The following PIAS1 variants were observed in gnomAD, a reference collection of about 807,000 sequenced individuals.
PIAS1 encodes the protein E3 SUMO-protein ligase PIAS1.
Under a neutral mutation model 71.3 loss-of-function variants are expected in PIAS1, and 6 were observed. The ratio of observed to expected loss-of-function variants is 0.08; its 90% CI spans 0.05 to 0.17. The LOEUF (loss-of-function observed/expected upper bound fraction) is 0.17, where lower values mean the gene tolerates loss of function less well. PIAS1 is among the 10% of genes least tolerant of loss of function. The pLI, the probability that PIAS1 is intolerant of heterozygous loss-of-function variation, is 1.00. For synonymous variants in PIAS1, 303 were observed against 292.9 expected, an observed-to-expected ratio of 1.03 and a Z score of -0.35; for missense variants, 555 against 793.6, an observed-to-expected ratio of 0.70 and a Z score of 3.61.
chr15:68,088,176 G>GTATATATGTATATA (rs1555424827), intron 2 of PIAS1, among the ~76,000 whole-genome samples: 1 of 73,008 alleles, frequency 1.4e-5, no homozygotes, highest in African/African-American at 6.2e-5. Context: ...TTATGTGTGT[G>GTATATATGTATATA]TATATATATA....
chr15:68,154,392 CG>C (rs1219454821), intron 7 of PIAS1, among the ~76,000 whole-genome samples: 1 of 151,974 alleles, frequency 6.6e-6, no homozygotes, highest in Admixed American at 6.6e-5. Context: ...TTGTGAGAGC[CG>C]GGGGCTGCGT....
chr15:68,168,089 A>G (rs1236126939), intron 8 of PIAS1, among the ~76,000 whole-genome samples: 1 of 151,572 alleles, frequency 6.6e-6, no homozygotes, highest in Non-Finnish European at 1.5e-5. Context: ...GCTCACTGCA[A>G]CCTCCACTTC....
chr15:68,153,744 T>C (rs1349035117), intron 7 of PIAS1, 49 bp downstream of exon 7: 5 of 961,724 alleles, frequency 5.2e-6, no homozygotes, highest in African/African-American at 1.6e-5. Flanking sequence ...TGTTAAAGGT[T>C]AGAGTAGTAT....
In PIAS1 at chr15:68,121,277, T is replaced by C. The variant is rs1408549952; in HGVS notation, c.470-20669T>C. ...CATGTTTTTTTGTTTTTTTTTTTTC[T>C]TTTGGCACTTCAAAAATTTTACTCC... On this transcript the variant is annotated intron_variant, in intron 2 of 13. Transcript: ENST00000249636. Among the ~76,000 whole-genome samples the C allele has an allele frequency of 2.7e-5, 4 of 146,212 alleles. No homozygotes were observed. In the Admixed American group the frequency reaches 2.8e-4, roughly 10 times the overall value.
At chr15:68,105,688 A>G (rs530747200) in intron 2 of PIAS1, among the ~76,000 whole-genome samples, 1 of 152,292 alleles carries the variant, frequency 6.6e-6, no homozygotes, top group African/African-American at 2.4e-5. Context: ...AAATGAAATT[A>G]TAGCTGGGCA....
intron 1 of PIAS1, among the ~76,000 whole-genome samples, chr15:68,071,290 A>G (rs1183129808): frequency 1.1e-4 from 12 of 112,216 alleles, no homozygotes; most frequent in Admixed American, 4.6e-4. Flanking sequence ...TTTTTTTGAC[A>G]GAGTCTCACT....
intron 7 of PIAS1, among the ~76,000 whole-genome samples, chr15:68,157,106 T>G (rs1336639771): frequency 6.6e-6 from 1 of 152,186 alleles, no homozygotes; most frequent in East Asian, 1.9e-4. Flanking sequence ...CTAGGTAACA[T>G]GGTAATGCCA....
At chr15:68,132,351 T>G (rs1203003191) in intron 2 of PIAS1, among the ~76,000 whole-genome samples, 2 of 152,052 alleles carry the variant, frequency 1.3e-5, no homozygotes, top group African/African-American at 4.8e-5. Context: ...GGCCCTCACC[T>G]GTAGTCTCAG....
At position 68,054,364 on chromosome 15, in the gene PIAS1, C is replaced by T; in HGVS notation, c.24+14C>T. The T allele has an allele frequency of 1.3e-6, 2 of 1,570,324 alleles. No individual in the cohort carries two copies. The highest frequency in any genetic ancestry group is 1.7e-6 in the Non-Finnish European group (2 of 1,158,266). On this transcript the variant is annotated intron_variant, in intron 1 of 13. Transcript: ENST00000249636. The surrounding 1 kb of genome is among the most constrained non-coding windows in gnomAD (Gnocchi z 4.6). Reference sequence around the variant, plus strand: ...GCGGAACTAAAGGTAAAGCGCAGCTCGAATTCACTTCTAATATTCGGCCGC... The same window carrying T: ...GCGGAACTAAAGGTAAAGCGCAGCTTGAATTCACTTCTAATATTCGGCCGC...
chr15:68,112,788 A>C (rs1343892519), intron 2 of PIAS1, among the ~76,000 whole-genome samples: 1 of 152,164 alleles, frequency 6.6e-6, no homozygotes, highest in East Asian at 1.9e-4. Flanking sequence ...CAATTTGACA[A>C]TTTTTACAAG....
At chr15:68,065,664 A>G (rs1433305699) in intron 1 of PIAS1, among the ~76,000 whole-genome samples, 4 of 151,422 alleles carry the variant, frequency 2.6e-5, no homozygotes, top group African/African-American at 9.7e-5. Flanking sequence ...TTATTTAATT[A>G]AATCCTGCAT....
chr15:68,112,814 T>A (rs2092533434), intron 2 of PIAS1, among the ~76,000 whole-genome samples: 1 of 150,654 alleles, frequency 6.6e-6, no homozygotes, highest in East Asian at 2.0e-4. Context: ...TAAAATTGTG[T>A]TCGTCTTTTG....
At chr15:68,154,500 T>C (rs1238719091) in intron 7 of PIAS1, among the ~76,000 whole-genome samples, 6 of 152,196 alleles carry the variant, frequency 3.9e-5, no homozygotes, top group Admixed American at 3.9e-4. Context: ...AACTGATTAA[T>C]GAAGCCCATT....
chr15:68,141,953 C>A lies in PIAS1; in HGVS notation c.477C>A (p.Asp159Glu). Residue 159 changes from aspartate to glutamate, a missense_variant, in exon 3 of 14, where the codon GAC becomes GAA. By Grantham distance (45) the Asp-to-Glu change is conservative. Around this residue, in one of 5 missense-constraint regions of PIAS1, gnomAD observed 134 missense variants for 203.4 expected, o/e 0.66. Transcript: ENST00000249636. ...ELIKPTSLAS[D>E]NSQRFRETCF... Reference sequence around the variant, plus strand: ...AATTCTTGTCTTCTTTAGCATCAGACAACAGTCAGCGCTTTCGAGAAACCT... The same window carrying A: ...AATTCTTGTCTTCTTTAGCATCAGAAAACAGTCAGCGCTTTCGAGAAACCT... 6.3e-7 allele frequency: 1 copy of A among 1,598,464 alleles called. No individual in the cohort carries two copies.
In PIAS1 at chr15:68,054,473, T is replaced by C. The variant is rs1409278804; in HGVS notation, c.24+123T>C. 10 of 1,069,996 alleles carry C rather than the reference T, an allele frequency of 9.3e-6. No individual in the cohort carries two copies. Among genetic ancestry groups the C allele is most frequent in the African/African-American group, 1.6e-5 (1 of 60,840 alleles). The allele number at this position is 1,069,996 out of a possible 1,614,324, so 66.3% of individuals were successfully genotyped here. ...CTGACTCCACCCGGGCCTGGAGTTG[T>C]AGGGAGAGAGGCGCGCCCGGTCTCA... On this transcript the variant is annotated intron_variant, in intron 1 of 13. Transcript: ENST00000249636. This position sits in a 1 kb window ranked among gnomAD's most constrained non-coding sequence, Gnocchi z 4.6.
chr15:68,167,660 T>C lies in PIAS1; in HGVS notation c.1008+2856T>C, dbSNP rs1036741278. The stretch of plus-strand genomic sequence containing the variant: ...AGAAGATAAACTCTGGAAATGTATT[T>C]ATGAAATATTTATTATTGTGAAAAA... On this transcript the variant is annotated intron_variant, in intron 8 of 13. Coordinates refer to ENST00000249636, the MANE Select transcript of PIAS1 (RefSeq NM_016166.3). The surrounding 1 kb of genome is among the most constrained non-coding windows in gnomAD (Gnocchi z 4.4). 2.0e-5 allele frequency among the ~76,000 whole-genome samples: 3 copies of C among 152,210 alleles called. No homozygotes were observed. In the South Asian group the frequency reaches 6.2e-4, roughly 32 times the overall value.
At chr15:68,170,562 T>C (rs1404917098) in intron 8 of PIAS1, among the ~76,000 whole-genome samples, 2 of 152,198 alleles carry the variant, frequency 1.3e-5, no homozygotes, top group Non-Finnish European at 2.9e-5. Context: ...TTTACATCAC[T>C]GTAGACTTTA....
intron 1 of PIAS1, among the ~76,000 whole-genome samples, chr15:68,065,300 AAAT>A (rs1418537878): frequency 1.3e-5 from 2 of 152,082 alleles, no homozygotes; most frequent in Non-Finnish European, 2.9e-5. Context: ...TTAAAAGGAA[AAAT>A]AAGGCTGGGG....
intron 2 of PIAS1, among the ~76,000 whole-genome samples, chr15:68,134,636 C>G (rs1392311047): frequency 2.6e-5 from 1 of 38,960 alleles, no homozygotes; most frequent in Non-Finnish European, 1.2e-4. Context: ...CCCCCACCTC[C>G]CTCCCGGACG....
Sources: allele counts gnomAD v4.1 joint callset (sites outside exome capture counted in the v4.1 genomes callset), GRCh38; gene constraint gnomAD v4.1.1; regional missense constraint gnomAD v4.1.1; non-coding constraint Gnocchi (gnomAD v3.1); transcripts MANE v1.5; gene names NCBI Gene and HGNC (gene_info 2026-07-23, HGNC 2026-07-21).